TBC1D5: variants seen among roughly 807,000 people sequenced by gnomAD.
TBC1D5 encodes TBC1 domain family, member 5.
A neutral mutation model predicts 100.3 loss-of-function variants in TBC1D5; 75 were observed. That is an observed-to-expected ratio of 0.75 (90% CI 0.62 to 0.91). The LOEUF (loss-of-function observed/expected upper bound fraction) is 0.91. TBC1D5 is among the 40% of genes least tolerant of loss of function. The pLI, the probability that TBC1D5 is intolerant of heterozygous loss-of-function variation, is 0.00. For synonymous variants in TBC1D5, 323 were observed against 325.6 expected (o/e 0.99, Z 0.09); for missense variants, 910 against 942.4 (o/e 0.97, Z 0.45).
intron 2 of TBC1D5, among the ~76,000 whole-genome samples, chr3:17,579,061 C>G (rs979477727): frequency 5.9e-5 from 9 of 152,002 alleles, no homozygotes; most frequent in African/African-American, 2.2e-4. Flanking sequence ...GTTCATACCA[C>G]TTATAAAATG....
chr3:17,490,650 T>G (rs2095628397), intron 3 of TBC1D5, among the ~76,000 whole-genome samples: 1 of 152,228 alleles, frequency 6.6e-6, no homozygotes, highest in African/African-American at 2.4e-5. Context: ...ATCTGAGTTC[T>G]CTATTCTGTT....
At chr3:17,661,005 CAT>C (rs2066589381) in intron 1 of TBC1D5, among the ~76,000 whole-genome samples, 1 of 152,190 alleles carries the variant, frequency 6.6e-6, no homozygotes, top group African/African-American at 2.4e-5. Context: ...CAAAAATCTA[CAT>C]GACCACTTAA....
intron 3 of TBC1D5, chr3:17,465,279 C>A: frequency 6.2e-6 from 1 of 162,600 alleles, no homozygotes; most frequent in Non-Finnish European, 1.4e-5. Flanking sequence ...TCAAAGAGAT[C>A]TGGAAATCTG....
chr3:17,605,796 CTT>C lies in TBC1D5; in HGVS notation c.-36+18051_-36+18052del, dbSNP rs551891625. ...TCTAAGTTTAAGGGGGAAATAAAGA[CTT>C]TGTTAATATCCAATAATGCAATACA... On this transcript the variant is annotated intron_variant, in intron 2 of 21. Coordinates refer to ENST00000253692, the Ensembl canonical transcript of TBC1D5. 4.6e-5 allele frequency among the ~76,000 whole-genome samples: 7 copies of C among 152,158 alleles called. No homozygotes were observed. The South Asian group carries it at 1.5e-3, about 32-fold the overall frequency.
intron 2 of TBC1D5, among the ~76,000 whole-genome samples, chr3:17,519,634 C>T (rs1025233925): frequency 6.6e-6 from 1 of 152,148 alleles, no homozygotes; most frequent in African/African-American, 2.4e-5. Context: ...ACTAGCACCC[C>T]AGAACTTGCA....
chr3:17,490,182 T>A (rs544824847), intron 3 of TBC1D5, among the ~76,000 whole-genome samples: 85 of 152,146 alleles, frequency 5.6e-4, no homozygotes, highest in Non-Finnish European at 9.0e-4. Context: ...TTCCCCACTG[T>A]TTAGTGGGGT....
intron 1 of TBC1D5, among the ~76,000 whole-genome samples, chr3:17,692,094 C>T (rs1027785746): frequency 4.6e-5 from 7 of 152,030 alleles, no homozygotes; most frequent in Non-Finnish European, 1.0e-4. Context: ...AACATAAGTA[C>T]TTTTTTTCTT....
chr3:17,431,914 G>T (rs1258283968), intron 3 of TBC1D5, among the ~76,000 whole-genome samples: 4 of 152,056 alleles, frequency 2.6e-5, no homozygotes, highest in African/African-American at 9.7e-5. Context: ...TCTTTCTAAA[G>T]GGAGGTTTAC....
intron 3 of TBC1D5, among the ~76,000 whole-genome samples, chr3:17,436,520 C>A (rs906612375): frequency 6.6e-6 from 1 of 152,060 alleles, no homozygotes; most frequent in African/African-American, 2.4e-5. Flanking sequence ...AGCATTATTT[C>A]TGAAAAACTT....
intron 2 of TBC1D5, among the ~76,000 whole-genome samples, chr3:17,616,291 G>C (rs1300091950): frequency 2.0e-5 from 3 of 152,170 alleles, no homozygotes; most frequent in Admixed American, 6.5e-5. Context: ...ATTTGCTGAG[G>C]AGTGCTTTAC....
intron 18 of TBC1D5, among the ~76,000 whole-genome samples, chr3:17,202,429 T>G (rs1166986023): frequency 6.6e-6 from 1 of 152,130 alleles, no homozygotes; most frequent in African/African-American, 2.4e-5. Flanking sequence ...CCTGTCCCTG[T>G]GGTAGAAAAG....
chr3:17,397,236 A>G (rs186430606), intron 8 of TBC1D5, among the ~76,000 whole-genome samples: 3 of 152,258 alleles, frequency 2.0e-5, no homozygotes, highest in Non-Finnish European at 4.4e-5. Flanking sequence ...GTGTGTTTTA[A>G]TTGAGGAGAC....
At chr3:17,529,642 T>C (rs1214138654) in intron 2 of TBC1D5, among the ~76,000 whole-genome samples, 1 of 151,862 alleles carries the variant, frequency 6.6e-6, no homozygotes, top group Non-Finnish European at 1.5e-5. Context: ...GCATTATTAT[T>C]ATTATTATTT....
At chr3:17,611,559 GA>G (rs1268922462) in intron 2 of TBC1D5, among the ~76,000 whole-genome samples, 1 of 152,168 alleles carries the variant, frequency 6.6e-6, no homozygotes, top group African/African-American at 2.4e-5. Context: ...CAGCAATGCT[GA>G]ATGATATTAA....
chr3:17,403,558 A>G (rs962238243), intron 7 of TBC1D5, among the ~76,000 whole-genome samples: 19 of 152,122 alleles, frequency 1.2e-4, no homozygotes, highest in African/African-American at 4.6e-4. Context: ...AAAAATAGCA[A>G]TACAACAATA....
chr3:17,510,432 G>T (rs1474403253), intron 2 of TBC1D5, among the ~76,000 whole-genome samples: 3 of 151,948 alleles, frequency 2.0e-5, no homozygotes, highest in Non-Finnish European at 4.4e-5. Context: ...GGAAAACAAA[G>T]AATTTGGTAG....
intron 13 of TBC1D5, among the ~76,000 whole-genome samples, chr3:17,340,262 G>A (rs774929310): frequency 3.9e-5 from 6 of 152,156 alleles, no homozygotes; most frequent in Non-Finnish European, 8.8e-5. Flanking sequence ...GGTCTTGCCT[G>A]CAAATGTTCA....
At chr3:17,255,575 T>C (rs1393590742) in intron 16 of TBC1D5, among the ~76,000 whole-genome samples, 1 of 152,170 alleles carries the variant, frequency 6.6e-6, no homozygotes, top group Non-Finnish European at 1.5e-5. Flanking sequence ...TTACATCCAC[T>C]ACAAATATTT....
intron 3 of TBC1D5, 107 bp downstream of exon 3, chr3:17,508,367 T>A: frequency 1.2e-6 from 1 of 831,308 alleles, no homozygotes; most frequent in Non-Finnish European, 2.1e-6. Flanking sequence ...GCCTGCTCAC[T>A]TCATCAAAAT....
Sources: allele counts gnomAD v4.1 joint callset (sites outside exome capture counted in the v4.1 genomes callset), GRCh38; gene constraint gnomAD v4.1.1; transcripts MANE v1.5; gene names NCBI Gene and HGNC (gene_info 2026-07-23, HGNC 2026-07-21).